Variants in ICE2 observed in about 807,000 individuals in gnomAD.
ICE2 encodes the protein interactor of little elongation complex ELL subunit 2.
A neutral mutation model predicts 105.4 loss-of-function variants in ICE2; 87 were observed. The observed-to-expected ratio is 0.83, with a 90% confidence interval of 0.69 to 0.99. ICE2 has a LOEUF of 0.99. Ranked by LOEUF, ICE2 falls within the 50% of genes least tolerant of loss-of-function variation. The pLI is 0.00. For synonymous variants in ICE2, 399 were observed against 392.0 expected (o/e 1.02, Z -0.21); for missense variants, 1,323 against 1,146.7 (o/e 1.15, Z -2.22).
chr15:60,451,623 C>T (rs1687783613), intron 9 of ICE2: 2 of 984,870 alleles, frequency 2.0e-6, no homozygotes, highest in Non-Finnish European at 1.2e-6. Context: ...CTTTTACCTG[C>T]ACAATCCAGA....
intron 13 of ICE2, among the ~76,000 whole-genome samples, chr15:60,434,871 G>A (rs2063548534): frequency 6.6e-6 from 1 of 152,192 alleles, no homozygotes. Flanking sequence ...TACTGTATAT[G>A]TCCAAATAGC....
intron 9 of ICE2, chr15:60,452,216 TAAAAGGC>T (rs1566989848): frequency 1.8e-5 from 17 of 943,332 alleles, no homozygotes; most frequent in Non-Finnish European, 2.0e-5. Flanking sequence ...ATAAAAATAT[TAAAAGGC>T]AAATGGCAAA....
At chr15:60,460,470 C>T (rs1672899708) in intron 5 of ICE2, among the ~76,000 whole-genome samples, 2 of 152,200 alleles carry the variant, frequency 1.3e-5, no homozygotes, top group Admixed American at 1.3e-4. Flanking sequence ...TGTACTGCAG[C>T]CTGTGCGAGA....
chr15:60,478,707 C>T (rs576259363), intron 1 of ICE2: 1 of 341,224 alleles, frequency 2.9e-6, no homozygotes, highest in Non-Finnish European at 5.9e-6. Context: ...CGGGCCCGAC[C>T]GGCTCCCACT....
intron 8 of ICE2, chr15:60,454,798 A>T: frequency 2.3e-6 from 1 of 435,610 alleles, no homozygotes; most frequent in Non-Finnish European, 4.0e-6. Flanking sequence ...TCAACCTGTC[A>T]TCTAGGTTTT....
Position 60,421,430 on chromosome 15 carries a change from A to G in ICE2, c.*2204T>C, listed in dbSNP as rs2063241744. ...TACTAAAAATCAAGAAAAAGAACAT[A>G]AAGCATATCAAATGTATGTTAAAAA... On this transcript the variant is annotated 3_prime_UTR_variant, in exon 16 of 16. Coordinates refer to ENST00000261520, the MANE Select transcript of ICE2 (RefSeq NM_024611.6). The G allele has an allele frequency of 6.6e-6, 1 of 152,202 alleles. No homozygotes were observed. The highest frequency in any genetic ancestry group is 2.1e-4 in the South Asian group (1 of 4,822). 9.4% of individuals were successfully genotyped at this position (152,202 alleles called of 1,614,324 possible). A position where few individuals can be genotyped will look rare whatever the true frequency, so the allele number is the denominator to read the frequency against.
intron 5 of ICE2, among the ~76,000 whole-genome samples, chr15:60,457,512 G>C (rs2064158982): frequency 6.6e-6 from 1 of 152,042 alleles, no homozygotes; most frequent in Admixed American, 6.6e-5. Context: ...AAATGTCTTA[G>C]AAAATATTTT....
chr15:60,452,089 C>G, intron 9 of ICE2: 1 of 985,312 alleles, frequency 1.0e-6, no homozygotes, highest in Non-Finnish European at 1.2e-6. Flanking sequence ...TAACCTACCT[C>G]ATGTTTCTTC....
chr15:60,451,387 A>G (rs1219871317), intron 9 of ICE2: 1 of 943,408 alleles, frequency 1.1e-6, no homozygotes, highest in African/African-American at 1.8e-5. Context: ...AGAATCTGAT[A>G]AAGTCTTATT....
chr15:60,440,709 T>C (rs1374564569), intron 12 of ICE2: 1 of 152,074 alleles, frequency 6.6e-6, no homozygotes, highest in African/African-American at 2.4e-5. Flanking sequence ...TTGAACATCT[T>C]CCTTAAATTA....
chr15:60,463,633 C>T (rs187392370), intron 5 of ICE2, among the ~76,000 whole-genome samples: 380 of 152,238 alleles, frequency 2.5e-3, no homozygotes, highest in Non-Finnish European at 2.0e-3. Context: ...ATTAGCTGGG[C>T]GTGGTGGCAG....
rs551025487 is a variant in ICE2 at position 60,473,920 on chromosome 15, T to G, written c.146+2143A>C. 7.9e-5 allele frequency among the ~76,000 whole-genome samples: 12 copies of G among 152,194 alleles called. No individual in the cohort carries two copies. In the East Asian group the frequency reaches 2.3e-3, roughly 30 times the overall value. On this transcript the variant is annotated intron_variant, in intron 3 of 15. Coordinates refer to ENST00000261520, the MANE Select transcript of ICE2 (RefSeq NM_024611.6). ...GTTTATTTTTAAAAAATTGTCTCTT[T>G]TTTTTGTAGACAGGATCTCACTCTG...
chr15:60,449,657 G>C lies in ICE2; in HGVS notation c.1310C>G (p.Ala437Gly), dbSNP rs1595778989. ...ACTTGGTGCCACAGTTGTAGTTCCT[G>C]CTTTGGGGGCTGTAGGAGCATCTGT... is the stretch of plus-strand genomic sequence containing the variant. Reference protein sequence around the residue: ...NMTDAPTAPKAGTTTVAPSAP... With the variant: ...NMTDAPTAPKGGTTTVAPSAP... The change falls in exon 10 of 16, where the codon GCA becomes GGA. Residue 437 changes from alanine (A) to glycine (G), a missense_variant. Ala to Gly is a moderately conservative substitution (Grantham distance 60). Transcript: ENST00000261520. The C allele has an allele frequency of 5.0e-6, 8 of 1,614,092 alleles. No homozygotes were observed. In the East Asian group the frequency reaches 1.6e-4, roughly 31 times the overall value.
At chr15:60,456,849 G>C in intron 5 of ICE2, 55 bp from the exon 6 acceptor site, 3 of 1,195,878 alleles carry the variant, frequency 2.5e-6, no homozygotes, top group Non-Finnish European at 3.4e-6. Context: ...AATGCAAAAA[G>C]AAAATTTTTA....
chr15:60,454,772 TG>T (rs1255405138), intron 8 of ICE2: 1 of 380,930 alleles, frequency 2.6e-6, no homozygotes, highest in Non-Finnish European at 4.6e-6. Flanking sequence ...TGTGCCATGG[TG>T]GTTTGCTGCA....
chr15:60,474,885 G>T (rs1377714914), intron 3 of ICE2, among the ~76,000 whole-genome samples: 1 of 152,160 alleles, frequency 6.6e-6, no homozygotes. Context: ...ACTTTGGGAG[G>T]CCAAGTTGGA....
At chr15:60,445,739 G>T (rs933108339) in intron 11 of ICE2, 1 of 985,016 alleles carries the variant, frequency 1.0e-6, no homozygotes, top group Non-Finnish European at 1.2e-6. Context: ...AATTTCCCTA[G>T]GCTATTCTTA....
At chr15:60,425,246 C>G (rs1221864972) in intron 15 of ICE2, among the ~76,000 whole-genome samples, 1 of 152,226 alleles carries the variant, frequency 6.6e-6, no homozygotes, top group Non-Finnish European at 1.5e-5. Flanking sequence ...CTGTGTGAAT[C>G]TGATGAAATT....
rs1241025194 is a variant in ICE2 at position 60,479,058 on chromosome 15, A to C, written c.-148T>G. The stretch of plus-strand genomic sequence containing the variant: ...CGCAGCCACACACCACACACGCTCC[A>C]CCCCACTCCTCACATTGTCGCGCGC... On this transcript the variant is annotated 5_prime_UTR_variant, in exon 1 of 16. Transcript: ENST00000261520. 1.1e-5 allele frequency: 5 copies of C among 454,430 alleles called. No individual in the cohort carries two copies. Among genetic ancestry groups the C allele is most frequent in the Non-Finnish European group, 2.2e-5 (5 of 225,956 alleles). 28.1% of individuals were successfully genotyped at this position (454,430 alleles called of 1,614,324 possible).
Sources: allele counts gnomAD v4.1 joint callset (sites outside exome capture counted in the v4.1 genomes callset), GRCh38; gene constraint gnomAD v4.1.1; transcripts MANE v1.5; gene names NCBI Gene and HGNC (gene_info 2026-07-23, HGNC 2026-07-21).